Variants in ADAMTS2 observed in about 807,000 individuals in gnomAD.
ADAMTS2 encodes ADAM metallopeptidase with thrombospondin type 1 motif 2.
Under a neutral mutation model 123.0 loss-of-function variants are expected in ADAMTS2, and 50 were observed. The observed-to-expected ratio is 0.41, with a 90% CI of 0.32 to 0.51. ADAMTS2 has a LOEUF of 0.51. Among genes scored for constraint, ADAMTS2 ranks in the 20% least tolerant of loss-of-function variants. The probability of loss-of-function intolerance (pLI) is 0.35; values close to 1 mark genes in which losing one functional copy is unlikely to be tolerated. For synonymous variants in ADAMTS2, 678 were observed against 695.4 expected (o/e 0.98, Z 0.39); for missense variants, 1,494 against 1,705.2 (o/e 0.88, Z 2.18).
intron 3 of ADAMTS2, among the ~76,000 whole-genome samples, chr5:179,237,139 T>C (rs1450003461): frequency 6.6e-6 from 1 of 152,168 alleles, no homozygotes; most frequent in African/African-American, 2.4e-5. Flanking sequence ...GGCTCACATC[T>C]CTAGCCCCAG....
At chr5:179,200,883 T>C (rs1561801961) in intron 4 of ADAMTS2, among the ~76,000 whole-genome samples, 1 of 152,058 alleles carries the variant, frequency 6.6e-6, no homozygotes, top group African/African-American at 2.4e-5. Context: ...AGACAAAAAG[T>C]TTATCTACTT....
At chr5:179,190,769 C>T (rs977671396) in intron 4 of ADAMTS2, among the ~76,000 whole-genome samples, 4 of 152,260 alleles carry the variant, frequency 2.6e-5, no homozygotes, top group African/African-American at 4.8e-5. Context: ...GGTCCAACAG[C>T]CCAAGCTGTT....
chr5:179,268,640 G>A (rs528806880), intron 3 of ADAMTS2, among the ~76,000 whole-genome samples: 3 of 152,312 alleles, frequency 2.0e-5, no homozygotes, highest in African/African-American at 4.8e-5. Context: ...TAACGCGGGC[G>A]GTGGGGGAGG....
chr5:179,167,232 C>T (rs531764678), intron 5 of ADAMTS2, among the ~76,000 whole-genome samples: 17 of 106,404 alleles, frequency 1.6e-4, no homozygotes, highest in Middle Eastern at 4.5e-3. Context: ...CGGGGTGCTG[C>T]CCCCCGCGCG....
Position 179,180,160 on chromosome 5 carries a change from G to A in ADAMTS2, c.975+912C>T, listed in dbSNP as rs1442282315. On this transcript the variant is annotated intron_variant, in intron 5 of 21. Coordinates refer to ENST00000251582, the MANE Select transcript of ADAMTS2 (RefSeq NM_014244.5). The surrounding 1 kb of genome is among the most constrained non-coding windows in gnomAD (Gnocchi z 4.6). ...ATACAAAGTGCTTCCCACACGGCTG[G>A]TACAGGCACTTTGCAGTCTACACGG... Among the ~76,000 whole-genome samples the A allele has an allele frequency of 1.3e-5, 2 of 152,130 alleles. No individual in the cohort carries two copies. The highest frequency in any genetic ancestry group is 6.5e-5 in the Admixed American group (1 of 15,278).
At chr5:179,267,113 C>T (rs773502738) in intron 3 of ADAMTS2, among the ~76,000 whole-genome samples, 1 of 152,120 alleles carries the variant, frequency 6.6e-6, no homozygotes, top group Non-Finnish European at 1.5e-5. Flanking sequence ...GCCTGAGGTC[C>T]GCCCCCACCC....
intron 2 of ADAMTS2, among the ~76,000 whole-genome samples, chr5:179,326,875 G>A (rs1051785513): frequency 6.6e-6 from 1 of 152,118 alleles, no homozygotes; most frequent in African/African-American, 2.4e-5. Context: ...GAGAGGGAGA[G>A]GGAGAGGGAG....
intron 4 of ADAMTS2, among the ~76,000 whole-genome samples, chr5:179,205,929 G>T (rs957539180): frequency 1.3e-5 from 2 of 151,964 alleles, no homozygotes; most frequent in African/African-American, 2.4e-5. Context: ...CCGCCACCAC[G>T]CCCGGCTAAT....
At position 179,121,711 on chromosome 5, in the gene ADAMTS2, T is replaced by C. The variant is rs1762767161; in HGVS notation, c.3128A>G (p.Gln1043Arg). The change falls in exon 21 of 22, where the codon CAG becomes CGG. Residue 1043 changes from glutamine to arginine, a missense_variant. Gln to Arg is a conservative substitution (Grantham distance 43). Around this residue, in one of 6 missense-constraint regions of ADAMTS2, gnomAD observed 953 missense variants for 1,124.7 expected, o/e 0.85. Coordinates refer to ENST00000251582, the MANE Select transcript of ADAMTS2 (RefSeq NM_014244.5). ...GTCGGGGTCCGGGCGGGACAGCCAC[T>C]GAACTACGTAGCTCTTCTTGGAGGG... ...SDPSKKSYVV[Q>R]WLSRPDPDSP... 2 of 1,594,596 alleles carry C rather than the reference T, an allele frequency of 1.3e-6. No individual in the cohort carries two copies. Among genetic ancestry groups the C allele is most frequent in the Admixed American group, 1.7e-5 (1 of 57,684 alleles).
At chr5:179,211,702 C>T (rs1337236910) in intron 3 of ADAMTS2, among the ~76,000 whole-genome samples, 1 of 152,176 alleles carries the variant, frequency 6.6e-6, no homozygotes, top group African/African-American at 2.4e-5. Context: ...GGAATTCCAT[C>T]AGGGGAACGG....
At chr5:179,143,449 A>AAGAACT (rs1183607139) in intron 10 of ADAMTS2, among the ~76,000 whole-genome samples, 1 of 151,058 alleles carries the variant, frequency 6.6e-6, no homozygotes, top group East Asian at 1.9e-4. Context: ...AAAAAAAAAG[A>AAGAACT]AGAACTAAAT....
intron 5 of ADAMTS2, among the ~76,000 whole-genome samples, chr5:179,174,565 TTA>T (rs1457899304): frequency 6.6e-6 from 1 of 152,256 alleles, no homozygotes; most frequent in Non-Finnish European, 1.5e-5. Context: ...TTTATTAAAT[TTA>T]TGTTATATAT....
At chr5:179,240,373 G>C (rs1246290702) in intron 3 of ADAMTS2, among the ~76,000 whole-genome samples, 1 of 152,190 alleles carries the variant, frequency 6.6e-6, no homozygotes, top group Non-Finnish European at 1.5e-5. Context: ...TGACTCCAAT[G>C]AGGGAACCTG....
chr5:179,209,897 T>A (rs1764811348), intron 3 of ADAMTS2, among the ~76,000 whole-genome samples: 1 of 152,238 alleles, frequency 6.6e-6, no homozygotes, highest in African/African-American at 2.4e-5. Flanking sequence ...AGGAAAACTC[T>A]TCCTCCCTGG....
intron 4 of ADAMTS2, among the ~76,000 whole-genome samples, chr5:179,199,934 C>T (rs1325705918): frequency 6.6e-6 from 1 of 152,054 alleles, no homozygotes; most frequent in African/African-American, 2.4e-5. Flanking sequence ...TCACTTAGAA[C>T]AATATTAAAA....
chr5:179,161,603 C>T (rs948607731), intron 5 of ADAMTS2, among the ~76,000 whole-genome samples: 4 of 152,098 alleles, frequency 2.6e-5, no homozygotes, highest in Non-Finnish European at 5.9e-5. Flanking sequence ...GGGGAATAAG[C>T]GTTAGTGCCC....
chr5:179,168,888 G>A (rs187178298), intron 5 of ADAMTS2, among the ~76,000 whole-genome samples: 203 of 152,282 alleles, frequency 1.3e-3, no homozygotes, highest in Middle Eastern at 0.01. Context: ...GGCAGGAGGC[G>A]TGCACCTCAT....
At chr5:179,296,233 C>T (rs1228758439) in intron 2 of ADAMTS2, among the ~76,000 whole-genome samples, 2 of 152,088 alleles carry the variant, frequency 1.3e-5, no homozygotes, top group Admixed American at 6.5e-5. Context: ...GAGGAGGTGG[C>T]GGCAGGGGCT....
At position 179,122,645 on chromosome 5, in the gene ADAMTS2, G is replaced by T; in HGVS notation, c.3087C>A (p.Pro1029=). The T allele has an allele frequency of 6.4e-7, 1 of 1,550,718 alleles. No homozygotes were observed. Among genetic ancestry groups the T allele is most frequent in the Non-Finnish European group, 8.7e-7 (1 of 1,147,324 alleles). ...TARTCRLGPC[P]RNISDPSKKS... ...GGGCAGGGGCTGCAGGTGGCTTACG[G>T]GGACAGGGGCCAAGCCTGCAGGTCC... Residue 1029 remains proline (P), a splice_region_variant and synonymous_variant, in exon 20 of 22, where the codon CCC becomes CCA. Transcript: ENST00000251582.
Sources: allele counts gnomAD v4.1 joint callset (sites outside exome capture counted in the v4.1 genomes callset), GRCh38; gene constraint gnomAD v4.1.1; regional missense constraint gnomAD v4.1.1; non-coding constraint Gnocchi (gnomAD v3.1); transcripts MANE v1.5; gene names NCBI Gene and HGNC (gene_info 2026-07-23, HGNC 2026-07-21).